SCN8A: variants seen among roughly 807,000 people sequenced by gnomAD.
The protein encoded by SCN8A is sodium voltage-gated channel alpha subunit 8, also known as sodium channel protein type 8 subunit alpha.
SCN8A carries 30 observed loss-of-function variants against 184.1 expected under a neutral mutation model. The ratio of observed to expected loss-of-function variants is 0.16; its 90% confidence interval spans 0.12 to 0.22. The LOEUF is 0.22. SCN8A is among the 10% of genes least tolerant of loss of function. SCN8A has a pLI of 1.00. For missense variants in SCN8A, 1,057 were observed against 2,498.9 expected (o/e 0.42, Z 12.30); for synonymous variants, 852 against 907.0 (o/e 0.94, Z 1.09).
At chr12:51,711,574 C>T (rs1156775507) in intron 11 of SCN8A, among the ~76,000 whole-genome samples, 1 of 152,218 alleles carries the variant, frequency 6.6e-6, no homozygotes, top group Non-Finnish European at 1.5e-5. Flanking sequence ...AGAGCCTGTG[C>T]TCCTAACCAC....
chr12:51,681,072 G>A (rs1282257241), intron 2 of SCN8A, among the ~76,000 whole-genome samples: 6 of 152,174 alleles, frequency 3.9e-5, no homozygotes, highest in Admixed American at 1.3e-4. Context: ...GAGAGGTTTT[G>A]TAGGTGATAT....
chr12:51,747,532 G>A (rs1479787294), intron 13 of SCN8A, among the ~76,000 whole-genome samples: 1 of 152,180 alleles, frequency 6.6e-6, no homozygotes, highest in East Asian at 1.9e-4. Flanking sequence ...TCCAACAGGT[G>A]CATTTTATTA....
intron 12 of SCN8A, among the ~76,000 whole-genome samples, chr12:51,734,680 A>G (rs1394281018): frequency 2.0e-5 from 3 of 152,202 alleles, no homozygotes; most frequent in Admixed American, 1.3e-4. Flanking sequence ...GGGCCAGTTT[A>G]TGGCCAGATT....
intron 1 of SCN8A, among the ~76,000 whole-genome samples, chr12:51,614,982 GT>G (rs1939803660): frequency 1.3e-5 from 2 of 151,932 alleles, no homozygotes; most frequent in Non-Finnish European, 2.9e-5. Flanking sequence ...TTAACTGAAA[GT>G]TTATGCCCAT....
chr12:51,697,940 C>G lies in SCN8A; in HGVS notation c.707-1630C>G, dbSNP rs145467405. ...CTTGGCTCACTGGAACCTCCACCCC[C>G]GCACCGGGTTCAAGTGGTTCTCCCA... On this transcript the variant is annotated intron_variant, in intron 6 of 26. Coordinates refer to ENST00000627620, the MANE Select transcript of SCN8A (RefSeq NM_001330260.2). Among the ~76,000 whole-genome samples, 134 of 152,322 alleles carry G rather than the reference C, an allele frequency of 8.8e-4. 2 individuals carry two copies. In the East Asian group the frequency reaches 0.025, roughly 28 times the overall value.
intron 12 of SCN8A, among the ~76,000 whole-genome samples, chr12:51,725,153 G>T (rs1205692698): frequency 6.6e-6 from 1 of 152,124 alleles, no homozygotes; most frequent in East Asian, 1.9e-4. Flanking sequence ...TCATAACTAG[G>T]AAAAACTATT....
At chr12:51,759,092 C>T (rs1297268771) in intron 14 of SCN8A, among the ~76,000 whole-genome samples, 1 of 151,700 alleles carries the variant, frequency 6.6e-6, no homozygotes, top group Admixed American at 6.6e-5. Flanking sequence ...ACAGTGATAC[C>T]ATAAGATTAT....
intron 11 of SCN8A, among the ~76,000 whole-genome samples, chr12:51,709,689 G>A (rs1390454819): frequency 4.6e-5 from 7 of 152,102 alleles, no homozygotes; most frequent in African/African-American, 1.7e-4. Flanking sequence ...TCTTTAAAGA[G>A]TGTGGGTGGA....
chr12:51,721,767 C>A lies in SCN8A; in HGVS notation c.1857C>A (p.Gly619=). Residue 619 remains glycine (G), a synonymous_variant, in exon 12 of 27, where the codon GGC becomes GGA. Coordinates refer to ENST00000627620, the MANE Select transcript of SCN8A (RefSeq NM_001330260.2). ...GGAGCAGCTACAGCGGCTACAGCGG[C>A]TACAGCCAGGGCAGCCGCTCCTCGC... is the stretch of plus-strand genomic sequence containing the variant. The part of the protein sequence containing the change: ...ERRSSYSGYS[G]YSQGSRSSRI... 6.2e-7 allele frequency: 1 copy of A among 1,610,068 alleles called. No individual in the cohort carries two copies. The highest frequency in any genetic ancestry group is 8.5e-7 in the Non-Finnish European group (1 of 1,178,924).
intron 11 of SCN8A, chr12:51,713,635 T>A: frequency 1.6e-6 from 1 of 608,564 alleles, no homozygotes; most frequent in Non-Finnish European, 2.9e-6. Context: ...TTGAGACATC[T>A]CCTGCTCACT....
chr12:51,761,016 G>A (rs180681020), intron 14 of SCN8A, among the ~76,000 whole-genome samples: 1 of 152,122 alleles, frequency 6.6e-6, no homozygotes, highest in Admixed American at 6.5e-5. Context: ...TGTTTCATGT[G>A]GAAACTTGGT....
At chr12:51,594,256 A>G (rs373974806) in intron 1 of SCN8A, among the ~76,000 whole-genome samples, 1 of 152,180 alleles carries the variant, frequency 6.6e-6, no homozygotes. Context: ...ACTGTGATCA[A>G]AGTATTTTAA....
At chr12:51,592,335 A>G (rs978728164) in intron 1 of SCN8A, among the ~76,000 whole-genome samples, 1 of 151,848 alleles carries the variant, frequency 6.6e-6, no homozygotes, top group Non-Finnish European at 1.5e-5. Flanking sequence ...GGGGTTAGCC[A>G]GGACTGTCAG....
Position 51,803,436 on chromosome 12 carries a change from C to A in SCN8A, c.4796-2846C>A, listed in dbSNP as rs150400542. Reference sequence around the variant, plus strand: ...AGACTCAAATGTTAATCTCCTCTGGCAACACCCAGAAACAATGCTTTGCAT... The same window carrying A: ...AGACTCAAATGTTAATCTCCTCTGGAAACACCCAGAAACAATGCTTTGCAT... On this transcript the variant is annotated intron_variant, in intron 26 of 26. Transcript: ENST00000627620. 2.2e-3 allele frequency among the ~76,000 whole-genome samples: 331 copies of A among 152,186 alleles called. 2 individuals carry two copies. The highest frequency in any genetic ancestry group is 2.8e-3 in the Non-Finnish European group (191 of 68,002).
chr12:51,616,343 C>G (rs1939835767), intron 1 of SCN8A, among the ~76,000 whole-genome samples: 1 of 152,124 alleles, frequency 6.6e-6, no homozygotes, highest in East Asian at 1.9e-4. Context: ...AAAAGTGTTT[C>G]ACTGGGCTAG....
chr12:51,747,165 T>A (rs1592140939), intron 13 of SCN8A, among the ~76,000 whole-genome samples: 2 of 150,152 alleles, frequency 1.3e-5, no homozygotes, highest in Admixed American at 6.7e-5. Flanking sequence ...GGAGAGTCCC[T>A]AGAAAAGAAT....
At chr12:51,734,479 CA>C (rs1475539764) in intron 12 of SCN8A, among the ~76,000 whole-genome samples, 3 of 152,268 alleles carry the variant, frequency 2.0e-5, no homozygotes, top group African/African-American at 7.2e-5. Flanking sequence ...GCAGCAGGAA[CA>C]TGCCCTTAAG....
chr12:51,617,019 T>C (rs1242527573), intron 1 of SCN8A, among the ~76,000 whole-genome samples: 1 of 152,242 alleles, frequency 6.6e-6, no homozygotes, highest in Non-Finnish European at 1.5e-5. Flanking sequence ...ATCCTTTTTC[T>C]CTTACTGCTT....
intron 1 of SCN8A, among the ~76,000 whole-genome samples, chr12:51,657,767 C>T (rs10783465): frequency 0.81 from 123,461 of 152,082 alleles, 51,060 homozygotes; most frequent in East Asian, 0.99. Flanking sequence ...CATGTAAGTC[C>T]TTAATTCATT....
Sources: gnomAD v4.1 joint callset for allele counts (sites outside exome capture counted in the v4.1 genomes callset) on GRCh38, gnomAD v4.1.1 for gene constraint, MANE v1.5 for transcripts, NCBI Gene and HGNC (gene_info 2026-07-23, HGNC 2026-07-21) for gene names.